Variants in PGM2 observed in about 807,000 individuals in gnomAD.
PGM2 encodes phosphoglucomutase 2, also known as phosphopentomutase.
Under a neutral mutation model 74.6 loss-of-function variants are expected in PGM2, and 57 were observed. That is an observed-to-expected ratio of 0.76 (90% confidence interval 0.62 to 0.95). PGM2 has a LOEUF of 0.95. Ranked by LOEUF, PGM2 falls within the 40% of genes least tolerant of loss-of-function variation. PGM2 has a pLI of 0.00. For missense variants in PGM2, 706 were observed against 741.9 expected, an observed-to-expected ratio of 0.95 and a Z score of 0.56; for synonymous variants, 273 against 260.7, an observed-to-expected ratio of 1.05 and a Z score of -0.46.
intron 6 of PGM2, among the ~76,000 whole-genome samples, chr4:37,843,153 C>A (rs749878174): frequency 1.3e-5 from 2 of 152,208 alleles, no homozygotes; most frequent in African/African-American, 2.4e-5. Flanking sequence ...AGCATTATTA[C>A]TTCTGTGTTC....
In PGM2 at chr4:37,834,708, G is replaced by T; in HGVS notation, c.340G>T (p.Gly114Trp). The T allele has an allele frequency of 6.7e-7, 1 of 1,496,954 alleles. No homozygotes were observed. Among genetic ancestry groups the T allele is most frequent in the Non-Finnish European group, 9.3e-7 (1 of 1,078,820 alleles). 92.7% of individuals were successfully genotyped at this position (1,496,954 alleles called of 1,614,324 possible). The change falls in exon 3 of 14, where the codon GGG becomes TGG. Residue 114 changes from glycine (G) to tryptophan (W), a missense_variant. This residue lies in a region of PGM2 where 332 missense variants were observed against 334.9 expected (regional missense o/e 0.99). Transcript: ENST00000381967. The part of the protein sequence containing the change: ...SFDARAHPSS[G>W]GSSRRFARLA... ...TGACGCCCGAGCTCATCCATCCAGT[G>T]GGGGTAGCAGCAGAAGGTATTTAAA...
chr4:37,846,913 G>GTTT lies in PGM2; in HGVS notation c.1008-10_1008-8dup, dbSNP rs112186779. The GTTT allele has an allele frequency of 7.5e-7, 1 of 1,331,460 alleles. No homozygotes were observed. The highest frequency in any genetic ancestry group is 1.5e-5 in the African/African-American group (1 of 66,700). 82.5% of individuals were successfully genotyped at this position (1,331,460 alleles called of 1,614,324 possible). The stretch of plus-strand genomic sequence containing the variant: ...ATTATGGAAATGAATGGTGGTTGTT[G>GTTT]TTTTTTTTTTCTTTCAGTGGTGAAT... On this transcript the variant is annotated splice_polypyrimidine_tract_variant and intron_variant, in intron 8 of 13. Transcript: ENST00000381967.
In PGM2 at chr4:37,844,350, G is replaced by T; in HGVS notation, c.720-14G>T. 6.3e-7 allele frequency: 1 copy of T among 1,576,564 alleles called. No homozygotes were observed. Among genetic ancestry groups the T allele is most frequent in the Non-Finnish European group, 8.7e-7 (1 of 1,154,572 alleles). ...TCTGCCTTGTATCATTTTCCACTGTGTATCTGATTCTAGGAGCGTGAACAG... is the reference window on the plus strand; with the variant it reads ...TCTGCCTTGTATCATTTTCCACTGTTTATCTGATTCTAGGAGCGTGAACAG... On this transcript the variant is annotated splice_polypyrimidine_tract_variant and intron_variant, in intron 6 of 13. Coordinates refer to ENST00000381967, the MANE Select transcript of PGM2 (RefSeq NM_018290.4).
intron 2 of PGM2, among the ~76,000 whole-genome samples, chr4:37,830,470 T>TTA (rs1234197175): frequency 6.6e-6 from 1 of 152,212 alleles, no homozygotes; most frequent in African/African-American, 2.4e-5. Context: ...TGACAACTTT[T>TTA]AAGGTCCTGT....
chr4:37,852,550 G>A (rs998940734), intron 12 of PGM2, among the ~76,000 whole-genome samples: 1 of 152,118 alleles, frequency 6.6e-6, no homozygotes, highest in Admixed American at 6.5e-5. Flanking sequence ...GTAAGTTTTT[G>A]GTGGCATTTA....
intron 2 of PGM2, among the ~76,000 whole-genome samples, chr4:37,834,063 A>G (rs1039049893): frequency 3.9e-5 from 6 of 152,142 alleles, no homozygotes; most frequent in Admixed American, 2.0e-4. Flanking sequence ...GGTCAGGTGC[A>G]GTGGCCCACA....
At chr4:37,844,706 G>T (rs1289501948) in intron 7 of PGM2, among the ~76,000 whole-genome samples, 153 bp downstream of exon 7, 1 of 152,128 alleles carries the variant, frequency 6.6e-6, no homozygotes, top group African/African-American at 2.4e-5. Flanking sequence ...AGCGTCTCAT[G>T]TCTGTAATCC....
intron 4 of PGM2, among the ~76,000 whole-genome samples, chr4:37,838,881 G>A (rs1409862441): frequency 6.6e-6 from 1 of 152,006 alleles, no homozygotes; most frequent in Admixed American, 6.6e-5. Flanking sequence ...TAACTTCCAG[G>A]GTGTTCAATG....
intron 12 of PGM2, among the ~76,000 whole-genome samples, chr4:37,851,915 T>G (rs1726049202): frequency 6.6e-6 from 1 of 152,040 alleles, no homozygotes; most frequent in Non-Finnish European, 1.5e-5. Context: ...TTTGATTAGG[T>G]TTCCCTAATT....
chr4:37,852,417 A>G (rs1197641652), intron 12 of PGM2, among the ~76,000 whole-genome samples: 1 of 45,476 alleles, frequency 2.2e-5, no homozygotes, highest in East Asian at 4.7e-4. Flanking sequence ...CACAGCTGTC[A>G]TCCTGGGAAT....
intron 12 of PGM2, among the ~76,000 whole-genome samples, chr4:37,850,986 A>T (rs1172512417): frequency 3.6e-5 from 2 of 55,348 alleles, no homozygotes; most frequent in Non-Finnish European, 6.7e-5. Flanking sequence ...GCAAGACTTC[A>T]TCTCAAAAAA....
intron 6 of PGM2, among the ~76,000 whole-genome samples, chr4:37,843,741 C>G (rs1427275190): frequency 6.6e-6 from 1 of 151,902 alleles, no homozygotes; most frequent in Non-Finnish European, 1.5e-5. Context: ...TCCCAAGTAT[C>G]TGGGATTACA....
In PGM2 at chr4:37,839,656, A is replaced by G. The variant is rs1034252732; in HGVS notation, c.442-192A>G. 4.2e-5 allele frequency: 29 copies of G among 688,578 alleles called. No homozygotes were observed. In the African/African-American group the frequency reaches 4.7e-4, roughly 11 times the overall value. The allele number at this position is 688,578 out of a possible 1,614,324, so 42.7% of individuals were successfully genotyped here. Reference sequence around the variant, plus strand: ...TTTCTTATTAGGAAATACATCCTGGAATTATGAGCAGCCAGTTAATTCTAA... The same window carrying G: ...TTTCTTATTAGGAAATACATCCTGGGATTATGAGCAGCCAGTTAATTCTAA... On this transcript the variant is annotated intron_variant, in intron 4 of 13. Coordinates refer to ENST00000381967, the MANE Select transcript of PGM2 (RefSeq NM_018290.4).
chr4:37,826,690 C>G lies in PGM2; in HGVS notation c.-43C>G, dbSNP rs757518998. 5 of 1,474,234 alleles carry G rather than the reference C, an allele frequency of 3.4e-6. No homozygotes were observed. In the African/African-American group the frequency reaches 5.6e-5, roughly 17 times the overall value. 91.3% of individuals were successfully genotyped at this position (1,474,234 alleles called of 1,614,324 possible). The stretch of plus-strand genomic sequence containing the variant: ...CTTGGGGCCGGGCCGGAAGGCAGAT[C>G]TCACCGCCTGCTTCCCTCTGCAGCG... On this transcript the variant is annotated 5_prime_UTR_variant, in exon 1 of 14. In the 5' UTR this introduces an upstream ATG that the reference lacks. Transcript: ENST00000381967.
At chr4:37,844,306 C>A in intron 6 of PGM2, 58 bp from the exon 7 acceptor site, 1 of 1,105,738 alleles carries the variant, frequency 9.0e-7, no homozygotes, top group Non-Finnish European at 1.3e-6. Context: ...GCAAACCTTG[C>A]AGTTTTGAGA....
intron 12 of PGM2, 74 bp from the exon 13 acceptor site, chr4:37,855,534 A>G: frequency 7.6e-7 from 1 of 1,312,118 alleles, no homozygotes; most frequent in South Asian, 1.5e-5. Flanking sequence ...TTATTTTCTT[A>G]CTTATGCAAG....
intron 1 of PGM2, among the ~76,000 whole-genome samples, chr4:37,829,071 A>G (rs1030636958): frequency 6.6e-6 from 1 of 152,252 alleles, no homozygotes; most frequent in African/African-American, 2.4e-5. Context: ...TAAAACAGGA[A>G]TATAAAGTCC....
At chr4:37,846,288 G>A (rs1725869304) in intron 8 of PGM2, among the ~76,000 whole-genome samples, 1 of 152,014 alleles carries the variant, frequency 6.6e-6, no homozygotes, top group Non-Finnish European at 1.5e-5. Flanking sequence ...GGTAGCCTAT[G>A]TGATGTTTTG....
At chr4:37,834,361 C>T (rs1254884724) in intron 2 of PGM2, among the ~76,000 whole-genome samples, 1 of 151,580 alleles carries the variant, frequency 6.6e-6, no homozygotes, top group African/African-American at 2.4e-5. Context: ...AATTTCCTAA[C>T]AAAGTTGATC....
Sources: gnomAD v4.1 joint callset for allele counts (sites outside exome capture counted in the v4.1 genomes callset) on GRCh38, gnomAD v4.1.1 for gene constraint, gnomAD v4.1.1 regional missense constraint, MANE v1.5 for transcripts, NCBI Gene and HGNC (gene_info 2026-07-23, HGNC 2026-07-21) for gene names.